The following ZNF467 variants were observed in gnomAD, a reference collection of about 807,000 sequenced individuals.
The protein encoded by ZNF467 is zinc finger protein 467, also known as zinc finger protein EZI.
A neutral mutation model predicts 47.8 loss-of-function variants in ZNF467; 51 were observed. The observed-to-expected ratio is 1.07, with a 90% CI of 0.85 to 1.35. ZNF467 has a LOEUF of 1.35. ZNF467 is among the 40% of genes most tolerant of loss of function. The pLI is 0.00. For missense variants in ZNF467, 992 were observed against 858.1 expected (o/e 1.16, Z -1.95); for synonymous variants, 416 against 372.9 (o/e 1.12, Z -1.33).
chr7:149,764,541 G>A lies in ZNF467; in HGVS notation c.*173C>T, dbSNP rs1464036912. The A allele has an allele frequency of 1.7e-6, 2 of 1,206,516 alleles. No homozygotes were observed. The highest frequency in any genetic ancestry group is 2.4e-6 in the Non-Finnish European group (2 of 842,686). The allele number at this position is 1,206,516 out of a possible 1,614,324, so 74.7% of individuals were successfully genotyped here. ...AGGGTTCGCTGAGTCTCTGTCCTAG[G>A]AGGTCCGAGCTGGGTATGCTGTGCG... On this transcript the variant is annotated 3_prime_UTR_variant, in exon 5 of 5. Coordinates refer to ENST00000302017, the MANE Select transcript of ZNF467 (RefSeq NM_207336.3).
rs931800664 is a variant in ZNF467, at chr7:149,765,618, G to C, written c.884C>G (p.Thr295Arg). ...TGCGCACTGGTAGGGCCTCTCGCCC[G>C]TATGGATGCGCTGGTGCCGAATCAA... ...THLIRHQRIH[T>R]GERPYQCAQC... is the part of the protein sequence containing the mutation. The change falls in exon 5 of 5, where the codon ACG becomes AGG. Residue 295 changes from threonine (T) to arginine (R), a missense_variant. Transcript: ENST00000302017. 1 of 1,605,396 alleles carries C rather than the reference G, an allele frequency of 6.2e-7. No homozygotes were observed. The highest frequency in any genetic ancestry group is 1.7e-5 in the Admixed American group (1 of 58,678).
upstream of ZNF467, among the ~76,000 whole-genome samples, chr7:149,775,781 G>A (rs966712135): frequency 1.3e-5 from 2 of 151,930 alleles, no homozygotes; most frequent in African/African-American, 4.8e-5. Context: ...ACTGGAAGGG[G>A]ACAGGAAGGA....
In ZNF467 at chr7:149,766,344, C is replaced by T. The variant is rs1184556376; in HGVS notation, c.263-105G>A. On this transcript the variant is annotated intron_variant, in intron 4 of 4. Transcript: ENST00000302017. ...GAGCCCCGCGGTCTGGCTCTGCTCT[C>T]CACTCTACCTAACGCTTCCCGGGAG... 3 of 1,477,334 alleles carry T rather than the reference C, an allele frequency of 2.0e-6. No homozygotes were observed. The African/African-American group carries it at 4.2e-5, about 21-fold the overall frequency. The allele number at this position is 1,477,334 out of a possible 1,614,324, so 91.5% of individuals were successfully genotyped here.
upstream of ZNF467, chr7:149,775,929 A>AGGCTGCGTGGG (rs1371555936): frequency 1.3e-6 from 1 of 790,566 alleles, no homozygotes; most frequent in Non-Finnish European, 1.9e-6. Flanking sequence ...GGCTGCGGGG[A>AGGCTGCGTGGG]GGCTGCGTGG....
Position 149,765,187 on chromosome 7 carries a change from C to T in ZNF467, c.1315G>A (p.Gly439Ser). ...GCCAGGTGCTGCCCATGGGAGAAGC[C>T]GCGCCCGCAGTCCGGGCAGAAGAAG... ...RSFFCPDCGR[G>S]FSHGQHLARH... is the part of the protein sequence containing the mutation. The change falls in exon 5 of 5, where the codon GGC becomes AGC. Residue 439 changes from glycine to serine, a missense_variant. Transcript: ENST00000302017. The T allele has an allele frequency of 6.6e-7, 1 of 1,504,024 alleles. No homozygotes were observed. The highest frequency in any genetic ancestry group is 2.0e-4 in the Middle Eastern group (1 of 4,974). 93.2% of individuals were successfully genotyped at this position (1,504,024 alleles called of 1,614,324 possible).
rs1448341399 is a variant in ZNF467, at chr7:149,765,142, TGTGCACGCGCGG to T, written c.1348_1359del (p.Pro450_His453del). ...GTGCAGGCGAAGGGCCGTTCGCCCG[TGTGCACGCGCGG>T]GTGCCGCGCCAGGTGCTGCCCATGG... On this transcript the variant is annotated inframe_deletion, in exon 5 of 5. Coordinates refer to ENST00000302017, the MANE Select transcript of ZNF467 (RefSeq NM_207336.3). 4 of 1,487,392 alleles carry T rather than the reference TGTGCACGCGCGG, an allele frequency of 2.7e-6. No homozygotes were observed. The highest frequency in any genetic ancestry group is 2.7e-6 in the Non-Finnish European group (3 of 1,123,246). 92.1% of individuals were successfully genotyped at this position (1,487,392 alleles called of 1,614,324 possible). A position where few individuals can be genotyped will look rare whatever the true frequency, so the allele number is the denominator to read the frequency against.
chr7:149,775,402 C>T (rs1799545714), upstream of ZNF467, among the ~76,000 whole-genome samples: 1 of 152,126 alleles, frequency 6.6e-6, no homozygotes, highest in Admixed American at 6.5e-5. Flanking sequence ...AAGAGAGGGG[C>T]GGGAGGCAGG....
intron 1 of ZNF467, among the ~76,000 whole-genome samples, chr7:149,772,485 C>G (rs1309137263): frequency 7.4e-6 from 1 of 135,116 alleles, no homozygotes; most frequent in Non-Finnish European, 1.6e-5. Flanking sequence ...CGGGCCCTGC[C>G]CTCCCCACTC....
rs769665235 is a variant in ZNF467 at position 149,765,003 on chromosome 7, G to T, written c.1499C>A (p.Ser500Ter). Residue 500 changes from serine to a stop codon, truncating the protein, a stop_gained, in exon 5 of 5, where the codon TCG becomes TAG. Transcript: ENST00000302017. LOFTEE classifies it high-confidence loss of function. ...AQCGRRFSRKSHLGRHQAVHT... is the reference protein window; with the variant it reads ...AQCGRRFSRK ...CACCGCCTGGTGGCGGCCCAGGTGCGACTTGCGGCTGAAGCGGCGGCCGCA... is the reference window on the plus strand; with the variant it reads ...CACCGCCTGGTGGCGGCCCAGGTGCTACTTGCGGCTGAAGCGGCGGCCGCA... 16 of 1,588,194 alleles carry T rather than the reference G, an allele frequency of 1.0e-5. No homozygotes were observed. In the Admixed American group the frequency reaches 1.5e-4, roughly 15 times the overall value.
intron 3 of ZNF467, 102 bp downstream of exon 3, chr7:149,770,338 G>A (rs1218881041): frequency 1.5e-6 from 1 of 645,892 alleles, no homozygotes. Context: ...AAAGAAGGAA[G>A]GGAGGGAGGG....
chr7:149,766,075 C>A lies in ZNF467; in HGVS notation c.427G>T (p.Ala143Ser), dbSNP rs755950504. The change falls in exon 5 of 5, where the codon GCA (alanine) becomes TCA (serine). Residue 143 changes from alanine to serine, a missense_variant. Transcript: ENST00000302017. Reference sequence around the variant, plus strand: ...CCAGACAGCGCGAGCCCACTCAGTGCCCCCGGGGCCCCTGGCTCCAGTTTG... The same window carrying A: ...CCAGACAGCGCGAGCCCACTCAGTGACCCCGGGGCCCCTGGCTCCAGTTTG... ...AYKLEPGAPG[A>S]LSGLALSGWG... The A allele has an allele frequency of 1.2e-6, 2 of 1,609,074 alleles. No individual in the cohort carries two copies. Among genetic ancestry groups the A allele is most frequent in the Non-Finnish European group, 1.7e-6 (2 of 1,177,516 alleles).
At chr7:149,766,747 G>A (rs855670) in intron 4 of ZNF467, among the ~76,000 whole-genome samples, 3,699 of 152,246 alleles carry the variant, frequency 0.024, 154 homozygotes, top group African/African-American at 0.085. Context: ...CTTCCCTGGT[G>A]GCCTTGAAAA....
chr7:149,768,275 T>C (rs1329826728), intron 4 of ZNF467, among the ~76,000 whole-genome samples: 1 of 152,226 alleles, frequency 6.6e-6, no homozygotes. Context: ...TTCTTTTGTG[T>C]CTAATAAGAA....
chr7:149,775,919 G>A, upstream of ZNF467: 1 of 707,666 alleles, frequency 1.4e-6, no homozygotes, highest in South Asian at 1.5e-5. Context: ...CTGGCCACTG[G>A]GCTGCGGGGA....
rs368193623 is a variant in ZNF467 at position 149,770,653 on chromosome 7, C to G, written c.35-97G>C. On this transcript the variant is annotated intron_variant, in intron 2 of 4. Coordinates refer to ENST00000302017, the MANE Select transcript of ZNF467 (RefSeq NM_207336.3). ...TCCCCTTCCCAGCCTGCCCAAGAGA[C>G]TTTTCCCAACCTGCTCAGGAAGGAC... 3,897 of 1,047,820 alleles carry G rather than the reference C, an allele frequency of 3.7e-3. 69 individuals carry two copies. The highest frequency in any genetic ancestry group is 0.032 in the South Asian group (2,138 of 66,760). 64.9% of individuals were successfully genotyped at this position (1,047,820 alleles called of 1,614,324 possible).
rs1799365917 is a variant in ZNF467, at chr7:149,770,482, TC to T, written c.108del (p.Met37CysfsTer56). ...PREGSHNAQE[Q>X]MSSSREERAL... Reference sequence around the variant, plus strand: ...GCTCTCTCTTCCCTAGAAGAGGACATCTGCTCCTGGGCATTATGGGATCCTT... The same window carrying T: ...GCTCTCTCTTCCCTAGAAGAGGACATTGCTCCTGGGCATTATGGGATCCTT... On this transcript the variant is annotated frameshift_variant, in exon 3 of 5. Transcript: ENST00000302017. LOFTEE classifies it high-confidence loss of function. 1 of 1,613,452 alleles carries T rather than the reference TC, an allele frequency of 6.2e-7. No individual in the cohort carries two copies. The highest frequency in any genetic ancestry group is 1.3e-5 in the African/African-American group (1 of 74,856).
upstream of ZNF467, among the ~76,000 whole-genome samples, chr7:149,775,452 C>T (rs1395392808): frequency 2.6e-5 from 4 of 152,192 alleles, no homozygotes; most frequent in African/African-American, 7.2e-5. Context: ...TGGAAGACCC[C>T]ATCAGTCGTT....
Position 149,764,293 on chromosome 7 carries a change from G to GTGGTCGCCGGATC in ZNF467, c.*420_*421insGATCCGGCGACCA. On this transcript the variant is annotated 3_prime_UTR_variant, in exon 5 of 5. Transcript: ENST00000302017. Reference sequence around the variant, plus strand: ...AGTGGAGGGGGGTGGTCTGTGTGTGGATGGAGGTGGGACAGTGGCTAAGGA... The same window carrying GTGGTCGCCGGATC: ...AGTGGAGGGGGGTGGTCTGTGTGTGGTGGTCGCCGGATCATGGAGGTGGGACAGTGGCTAAGGA... 1 of 479,392 alleles carries GTGGTCGCCGGATC rather than the reference G, an allele frequency of 2.1e-6. No homozygotes were observed. Among genetic ancestry groups the GTGGTCGCCGGATC allele is most frequent in the Non-Finnish European group, 3.7e-6 (1 of 272,996 alleles). 29.7% of individuals were successfully genotyped at this position (479,392 alleles called of 1,614,324 possible).
Position 149,766,047 on chromosome 7 carries a change from C to T in ZNF467, c.455G>A (p.Trp152Ter), listed in dbSNP as rs368718515. 6.2e-7 allele frequency: 1 copy of T among 1,602,396 alleles called. No individual in the cohort carries two copies. The highest frequency in any genetic ancestry group is 8.5e-7 in the Non-Finnish European group (1 of 1,174,480). ...GALSGLALSG[W>*]GPMPEKPYGC... is the part of the protein sequence containing the mutation. Reference sequence around the variant, plus strand: ...GTAGGGCTTCTCCGGCATCGGACCCCACCCAGACAGCGCGAGCCCACTCAG... The same window carrying T: ...GTAGGGCTTCTCCGGCATCGGACCCTACCCAGACAGCGCGAGCCCACTCAG... Residue 152 changes from tryptophan (W) to a stop codon, truncating the protein, a stop_gained, in exon 5 of 5, where the codon TGG (tryptophan) becomes TAG (stop). Coordinates refer to ENST00000302017, the MANE Select transcript of ZNF467 (RefSeq NM_207336.3). LOFTEE classifies it high-confidence loss of function.
Sources: gnomAD v4.1 joint callset for allele counts (sites outside exome capture counted in the v4.1 genomes callset) on GRCh38, gnomAD v4.1.1 for gene constraint, MANE v1.5 for transcripts, NCBI Gene and HGNC (gene_info 2026-07-23, HGNC 2026-07-21) for gene names.